The following UEVLD variants were observed in gnomAD, a reference collection of about 807,000 sequenced individuals.
UEVLD encodes the protein UEV and lactate/malate dehyrogenase domains.
In UEVLD, 47 loss-of-function variants were observed where a neutral mutation model predicts 58.6. The observed-to-expected ratio is 0.80, with a 90% CI of 0.63 to 1.02. The LOEUF (loss-of-function observed/expected upper bound fraction) is 1.02, where lower values mean the gene tolerates loss of function less well. Among genes scored for constraint, UEVLD ranks in the 50% least tolerant of loss-of-function variants. UEVLD has a pLI of 0.00. For synonymous variants in UEVLD, 197 were observed against 195.3 expected (o/e 1.01, Z -0.07); for missense variants, 510 against 550.6 (o/e 0.93, Z 0.74).
chr11:18,553,154 CAAAAAAA>C (rs34297128), intron 7 of UEVLD, among the ~76,000 whole-genome samples: 7 of 81,554 alleles, frequency 8.6e-5, no homozygotes, highest in Non-Finnish European at 1.6e-4. Context: ...GGTTCCGTCT[CAAAAAAA>C]AAAAAAAAAA....
intron 6 of UEVLD, among the ~76,000 whole-genome samples, chr11:18,560,363 C>A (rs1208032935): frequency 6.6e-6 from 1 of 151,756 alleles, no homozygotes; most frequent in Non-Finnish European, 1.5e-5. Flanking sequence ...TTATAAGGCA[C>A]AAAAAAATCC....
intron 3 of UEVLD, among the ~76,000 whole-genome samples, chr11:18,573,565 C>T (rs1375453434): frequency 6.6e-6 from 1 of 152,206 alleles, no homozygotes; most frequent in East Asian, 1.9e-4. Flanking sequence ...GCCTGTTCTG[C>T]CTACTTCACT....
rs562746281 is a variant in UEVLD at position 18,557,732 on chromosome 11, T to A, written c.715+496A>T. On this transcript the variant is annotated intron_variant, in intron 7 of 11. Transcript: ENST00000396197. The stretch of plus-strand genomic sequence containing the variant: ...TCATGAGCCACCACACCCAGCTAAA[T>A]TTTTTTTCTTATTCTTGGTTTAGCA... 6.2e-4 allele frequency among the ~76,000 whole-genome samples: 95 copies of A among 152,078 alleles called. 3 individuals carry two copies. In the South Asian group the frequency reaches 9.6e-3, roughly 15 times the overall value.
intron 7 of UEVLD, among the ~76,000 whole-genome samples, chr11:18,548,329 T>G (rs2133981781): frequency 6.6e-6 from 1 of 152,354 alleles, no homozygotes; most frequent in South Asian, 2.1e-4. Context: ...GTAATTAGAA[T>G]GGCATCAGTC....
chr11:18,566,972 C>T (rs1248003698), intron 4 of UEVLD, among the ~76,000 whole-genome samples: 2 of 152,152 alleles, frequency 1.3e-5, no homozygotes, highest in African/African-American at 4.8e-5. Flanking sequence ...AAAAATAGTA[C>T]ATATACTCTT....
chr11:18,551,057 GGAA>G (rs1230207371), intron 7 of UEVLD, among the ~76,000 whole-genome samples: 2 of 152,046 alleles, frequency 1.3e-5, no homozygotes, highest in Non-Finnish European at 2.9e-5. Flanking sequence ...ATTTAACAAG[GGAA>G]GAAGATTATA....
intron 6 of UEVLD, among the ~76,000 whole-genome samples, chr11:18,561,158 A>T (rs1356008522): frequency 1.3e-5 from 2 of 152,240 alleles, no homozygotes; most frequent in Non-Finnish European, 2.9e-5. Context: ...TCTGATAAAC[A>T]GATTACCTGG....
At chr11:18,551,798 T>G (rs983114145) in intron 7 of UEVLD, among the ~76,000 whole-genome samples, 1 of 152,194 alleles carries the variant, frequency 6.6e-6, no homozygotes, top group Non-Finnish European at 1.5e-5. Context: ...GTCTACAACC[T>G]AAACCAAAGG....
rs1309234743 is a variant in UEVLD, at chr11:18,588,598, G to A, written c.42+15C>T. On this transcript the variant is annotated intron_variant, in intron 1 of 11. Coordinates refer to ENST00000396197, the MANE Select transcript of UEVLD (RefSeq NM_001040697.4). Reference sequence around the variant, plus strand: ...GACCCTGAGGACCCAAACTGGCCCAGCGGACTGCCCGCACCTTGCCAAGCA... The same window carrying A: ...GACCCTGAGGACCCAAACTGGCCCAACGGACTGCCCGCACCTTGCCAAGCA... The A allele has an allele frequency of 1.9e-6, 3 of 1,609,540 alleles. No individual in the cohort carries two copies. The highest frequency in any genetic ancestry group is 3.3e-5 in the Admixed American group (2 of 59,926).
chr11:18,566,072 T>A (rs1275126896), intron 5 of UEVLD, among the ~76,000 whole-genome samples: 1 of 151,720 alleles, frequency 6.6e-6, no homozygotes, highest in Non-Finnish European at 1.5e-5. Flanking sequence ...CTACTTTTTT[T>A]ATTTTTAGTA....
chr11:18,532,897 AGT>A (rs914419069), intron 11 of UEVLD, among the ~76,000 whole-genome samples: 4 of 152,228 alleles, frequency 2.6e-5, no homozygotes, highest in Admixed American at 2.0e-4. Flanking sequence ...GTACCATAAG[AGT>A]GTGTATTTGT....
intron 6 of UEVLD, among the ~76,000 whole-genome samples, chr11:18,560,142 GAGAGAA>G (rs1851967990): frequency 1.6e-5 from 1 of 61,688 alleles, no homozygotes. Flanking sequence ...CACACACAGA[GAGAGAA>G]AGAAAATAAC....
chr11:18,582,205 C>T (rs1590377539), intron 1 of UEVLD, among the ~76,000 whole-genome samples: 1 of 152,094 alleles, frequency 6.6e-6, no homozygotes, highest in Admixed American at 6.5e-5. Flanking sequence ...TATAAGGCTA[C>T]ACTAGAATTG....
chr11:18,545,126 G>A (rs1341096315), intron 8 of UEVLD, among the ~76,000 whole-genome samples: 5 of 145,766 alleles, frequency 3.4e-5, no homozygotes, highest in Non-Finnish European at 7.4e-5. Context: ...AGGCTGGAGT[G>A]CAGTGGCACG....
In UEVLD at chr11:18,544,801, A is replaced by C. The variant is rs1851219650; in HGVS notation, c.887-5T>G. On this transcript the variant is annotated splice_region_variant and splice_polypyrimidine_tract_variant and intron_variant, in intron 8 of 11. Coordinates refer to ENST00000396197, the MANE Select transcript of UEVLD (RefSeq NM_001040697.4). ...TTACATAGGTCATGATTTCCACTAA[A>C]TATTGCATACAAGGTAAAAAATGTA... The C allele has an allele frequency of 6.6e-7, 1 of 1,519,154 alleles. No individual in the cohort carries two copies. Among genetic ancestry groups the C allele is most frequent in the African/African-American group, 1.4e-5 (1 of 68,968 alleles). 94.1% of individuals were successfully genotyped at this position (1,519,154 alleles called of 1,614,324 possible).
At chr11:18,558,425 T>C in intron 6 of UEVLD, 95 bp from the exon 7 acceptor site, 1 of 667,252 alleles carries the variant, frequency 1.5e-6, no homozygotes, top group Non-Finnish European at 2.4e-6. Context: ...TAAACAGGCC[T>C]CATACACTGT....
At chr11:18,566,087 T>C (rs1267193704) in intron 5 of UEVLD, among the ~76,000 whole-genome samples, 2 of 151,670 alleles carry the variant, frequency 1.3e-5, no homozygotes, top group African/African-American at 2.4e-5. Flanking sequence ...TTAGTAGAGA[T>C]AGGGTTTCAC....
chr11:18,578,306 C>T (rs944349935), intron 2 of UEVLD, among the ~76,000 whole-genome samples: 13 of 152,152 alleles, frequency 8.5e-5, no homozygotes, highest in African/African-American at 2.9e-4. Context: ...AGAAAGGAGA[C>T]CAAGAGCCCA....
chr11:18,537,330 T>A (rs534837158), intron 9 of UEVLD, among the ~76,000 whole-genome samples: 4,480 of 117,300 alleles, frequency 0.038, 193 homozygotes, highest in African/African-American at 0.13. Flanking sequence ...ATATATTTTT[T>A]TTTTTTTTTC....
Sources: gnomAD v4.1 joint callset for allele counts (sites outside exome capture counted in the v4.1 genomes callset) on GRCh38, gnomAD v4.1.1 for gene constraint, MANE v1.5 for transcripts, NCBI Gene and HGNC (gene_info 2026-07-23, HGNC 2026-07-21) for gene names.